CDH23: variants seen among roughly 807,000 people sequenced by gnomAD.
CDH23 encodes cadherin-23.
CDH23 carries 189 observed loss-of-function variants against 317.1 expected under a neutral mutation model. That is an observed-to-expected ratio of 0.60 (90% CI 0.53 to 0.67). The LOEUF is 0.67. Among genes scored for constraint, CDH23 ranks in the 30% least tolerant of loss-of-function variants. CDH23 has a pLI of 0.00. For missense variants in CDH23, 4,401 were observed against 4,592.4 expected, an observed-to-expected ratio of 0.96 and a Z score of 1.20; for synonymous variants, 1,839 against 1,876.8, an observed-to-expected ratio of 0.98 and a Z score of 0.52.
chr10:71,511,759 G>A lies in CDH23; in HGVS notation c.429+547G>A, dbSNP rs1205507542. ...TCAAGCCATTGCTGGTAATTGAGAA[G>A]TACAAATTATTGCATTACAAACGGT... On this transcript the variant is annotated intron_variant, in intron 6 of 69. Transcript: ENST00000224721. 22 of 158,704 alleles carry A rather than the reference G, an allele frequency of 1.4e-4. 1 individual carries two copies. Among genetic ancestry groups the A allele is most frequent in the Admixed American group, 1.3e-3 (22 of 17,036 alleles). The allele number at this position is 158,704 out of a possible 1,614,324, so 9.8% of individuals were successfully genotyped here. A position where few individuals can be genotyped will look rare whatever the true frequency, so the allele number is the denominator to read the frequency against.
Position 71,799,243 on chromosome 10 carries a change from A to G in CDH23, c.7187A>G (p.Asn2396Ser). The G allele has an allele frequency of 1.2e-6, 2 of 1,614,040 alleles. No individual in the cohort carries two copies. The highest frequency in any genetic ancestry group is 1.7e-6 in the Non-Finnish European group (2 of 1,179,886). Residue 2396 changes from asparagine to serine, a missense_variant, in exon 51 of 70, where the codon AAT becomes AGT. Physicochemically the swap from Asn to Ser is conservative, Grantham distance 46. Transcript: ENST00000224721. ...IPVYLEIVDI[N>S]DNNPIFDQPS... ...GTCTACCTGGAAATCGTGGACATCAATGACAACAACCCCATCTTTGACCAG... is the reference window on the plus strand; with the variant it reads ...GTCTACCTGGAAATCGTGGACATCAGTGACAACAACCCCATCTTTGACCAG...
chr10:71,646,328 C>A, intron 13 of CDH23, 131 bp from the exon 14 acceptor site: 1 of 1,398,048 alleles, frequency 7.2e-7, no homozygotes, highest in Non-Finnish European at 9.8e-7. Context: ...TAGCACAGAG[C>A]TGGGATGGGC....
chr10:71,515,357 T>TTCTCTCTC (rs3059687), intron 6 of CDH23, among the ~76,000 whole-genome samples: 13 of 126,274 alleles, frequency 1.0e-4, no homozygotes, highest in South Asian at 5.3e-4. Flanking sequence ...ACCTGTCTGT[T>TTCTCTCTC]TCTCTCTCTC....
chr10:71,437,053 G>T (rs1849654701), intron 1 of CDH23, among the ~76,000 whole-genome samples: 1 of 152,214 alleles, frequency 6.6e-6, no homozygotes, highest in South Asian at 2.1e-4. Flanking sequence ...AGTAGTTAGG[G>T]AAATGCAAAT....
intron 14 of CDH23, chr10:71,647,743 G>A (rs1357908656): frequency 1.3e-5 from 2 of 152,244 alleles, no homozygotes; most frequent in African/African-American, 4.8e-5. Flanking sequence ...TGGACCCAGG[G>A]GTTGGGGTCA....
chr10:71,686,214 T>C (rs1864879988), intron 18 of CDH23, among the ~76,000 whole-genome samples: 1 of 152,114 alleles, frequency 6.6e-6, no homozygotes, highest in African/African-American at 2.4e-5. Flanking sequence ...TTCTGCCTCA[T>C]GCTCTGTCAC....
At chr10:71,769,679 T>C (rs1375291351) in intron 38 of CDH23, among the ~76,000 whole-genome samples, 1 of 152,154 alleles carries the variant, frequency 6.6e-6, no homozygotes, top group South Asian at 2.1e-4. Context: ...GTTCCCATGA[T>C]GAGTGAACAG....
At chr10:71,711,946 A>C (rs1005959267) in intron 27 of CDH23, 1 of 152,212 alleles carries the variant, frequency 6.6e-6, no homozygotes, top group Non-Finnish European at 1.5e-5. Context: ...TTGCCACGAC[A>C]AACTACCACA....
At chr10:71,584,380 C>T (rs1858883872) in intron 9 of CDH23, among the ~76,000 whole-genome samples, 1 of 152,138 alleles carries the variant, frequency 6.6e-6, no homozygotes, top group Non-Finnish European at 1.5e-5. Flanking sequence ...AGGCAGTGGC[C>T]TCACTTCCAG....
intron 9 of CDH23, among the ~76,000 whole-genome samples, chr10:71,599,461 T>C (rs535553444): frequency 3.3e-5 from 5 of 152,324 alleles, no homozygotes; most frequent in African/African-American, 1.2e-4. Flanking sequence ...AAAGTCCTTA[T>C]GAGAGATGCA....
chr10:71,811,483 C>T (rs774229785), intron 63 of CDH23, 28 bp from the exon 64 acceptor site: 2 of 1,613,966 alleles, frequency 1.2e-6, no homozygotes, highest in Non-Finnish European at 1.7e-6. Flanking sequence ...CCCCACTGCC[C>T]GGGCTTACCC....
chr10:71,719,043 G>A (rs891382951), intron 28 of CDH23, among the ~76,000 whole-genome samples: 7 of 151,872 alleles, frequency 4.6e-5, no homozygotes, highest in East Asian at 1.9e-4. Flanking sequence ...ATGCCACTGC[G>A]CTACAGCCTG....
chr10:71,510,171 G>A lies in CDH23; in HGVS notation c.235G>A (p.Ala79Thr). 1.9e-6 allele frequency: 3 copies of A among 1,613,956 alleles called. No homozygotes were observed. The highest frequency in any genetic ancestry group is 2.5e-6 in the Non-Finnish European group (3 of 1,179,874). ...TGGGGAGGAGGCCTCTCGCTTCTTT[G>A]CAGTGGAGCCTGACACTGGCGTGGT... ...VSGEEASRFF[A>T]VEPDTGVVWL... The change falls in exon 4 of 70, where the codon GCA becomes ACA. Residue 79 changes from alanine to threonine, a missense_variant. Around this residue, in one of 3 missense-constraint regions of CDH23, gnomAD observed 3,068 missense variants for 3,203.3 expected, o/e 0.96. Transcript: ENST00000224721.
At chr10:71,424,638 A>G (rs1275482117) in intron 1 of CDH23, among the ~76,000 whole-genome samples, 2 of 152,104 alleles carry the variant, frequency 1.3e-5, no homozygotes, top group African/African-American at 4.8e-5. Context: ...GGCTGTTCAC[A>G]CTTGAAGGGA....
chr10:71,675,823 T>G (rs546503062), intron 15 of CDH23, among the ~76,000 whole-genome samples: 1 of 151,924 alleles, frequency 6.6e-6, no homozygotes, highest in East Asian at 1.9e-4. Flanking sequence ...TCACCCTTCA[T>G]GGTAAATTGG....
At chr10:71,782,313 G>A (rs1175656449) in intron 41 of CDH23, among the ~76,000 whole-genome samples, 1 of 152,188 alleles carries the variant, frequency 6.6e-6, no homozygotes, top group African/African-American at 2.4e-5. Flanking sequence ...TCCTTCAGAG[G>A]CCTGCCTGGG....
intron 11 of CDH23, among the ~76,000 whole-genome samples, chr10:71,632,686 C>T (rs1164505140): frequency 2.0e-5 from 3 of 152,092 alleles, no homozygotes; most frequent in Non-Finnish European, 4.4e-5. Flanking sequence ...TGCTGTGCAG[C>T]GGCCAGGTTC....
intron 14 of CDH23, among the ~76,000 whole-genome samples, chr10:71,652,178 C>T (rs558736151): frequency 6.6e-6 from 1 of 152,316 alleles, no homozygotes; most frequent in South Asian, 2.1e-4. Flanking sequence ...CTCCACCTCT[C>T]AGCTCCAGAC....
rs2132358850 is a variant in CDH23 at position 71,566,885 on chromosome 10, G to A, written c.573G>A (p.Arg191=). 1.2e-6 allele frequency: 2 copies of A among 1,613,886 alleles called. No homozygotes were observed. Among genetic ancestry groups the A allele is most frequent in the Non-Finnish European group, 1.7e-6 (2 of 1,179,884 alleles). ...DSARGIVTVI[R]ELDYETTQAY... ...CCCGCGGTATCGTCACAGTGATCCGGGAGCTGGACTACGAGACCACACAGG... is the reference window on the plus strand; with the variant it reads ...CCCGCGGTATCGTCACAGTGATCCGAGAGCTGGACTACGAGACCACACAGG... The change falls in exon 7 of 70, where the codon CGG becomes CGA. Residue 191 remains arginine, a synonymous_variant. Coordinates refer to ENST00000224721, the MANE Select transcript of CDH23 (RefSeq NM_022124.6).
Sources: allele counts gnomAD v4.1 joint callset (sites outside exome capture counted in the v4.1 genomes callset), GRCh38; gene constraint gnomAD v4.1.1; regional missense constraint gnomAD v4.1.1; transcripts MANE v1.5; gene names NCBI Gene and HGNC (gene_info 2026-07-23, HGNC 2026-07-21).